The following DSCAML1 variants were observed in gnomAD, a reference collection of about 807,000 sequenced individuals.
The protein encoded by DSCAML1 is DS cell adhesion molecule like 1.
Under a neutral mutation model 200.5 loss-of-function variants are expected in DSCAML1, and 38 were observed. That is an observed-to-expected ratio of 0.19 (90% CI 0.15 to 0.25). The LOEUF (loss-of-function observed/expected upper bound fraction) is 0.25. Among genes scored for constraint, DSCAML1 ranks in the 10% least tolerant of loss-of-function variants. DSCAML1 has a pLI of 1.00. For synonymous variants in DSCAML1, 1,215 were observed against 1,165.0 expected (o/e 1.04, Z -0.87); for missense variants, 2,223 against 2,858.8 (o/e 0.78, Z 5.07).
chr11:117,780,290 A>AAGAAAGAG lies in DSCAML1; in HGVS notation c.364+202_364+203insCTCTTTCT, dbSNP rs1168369430. On this transcript the variant is annotated intron_variant, in intron 2 of 32. Transcript: ENST00000651296. This position sits in a 1 kb window ranked among gnomAD's most constrained non-coding sequence, Gnocchi z 4.8. ...AAAGAAAGAAAGAAAGAAAGAAAGAAAGAAAGAAAGAAAGAGAGAAAGGAG... is the reference window on the plus strand; with the variant it reads ...AAAGAAAGAAAGAAAGAAAGAAAGAAAGAAAGAGAGAAAGAAAGAAAGAGAGAAAGGAG... Among the ~76,000 whole-genome samples, 1 of 100,128 alleles carries AAGAAAGAG rather than the reference A, an allele frequency of 1.0e-5. No homozygotes were observed. The highest frequency in any genetic ancestry group is 3.6e-4 in the South Asian group (1 of 2,768). The allele number at this position is 100,128 out of a possible 152,430, so 65.7% of individuals were successfully genotyped here. A position where few individuals can be genotyped will look rare whatever the true frequency, so the allele number is the denominator to read the frequency against.
rs1411566097 is a variant in DSCAML1 at position 117,518,622 on chromosome 11, C to T, written c.1354G>A (p.Gly452Ser). The T allele has an allele frequency of 1.2e-6, 2 of 1,613,524 alleles. No individual in the cohort carries two copies. The highest frequency in any genetic ancestry group is 1.3e-5 in the African/African-American group (1 of 74,940). The change falls in exon 7 of 33, where the codon GGC (glycine) becomes AGC (serine). Residue 452 changes from glycine to serine, a missense_variant. Gly to Ser is a moderately conservative substitution (Grantham distance 56). This residue lies in a region of DSCAML1 where 579 missense variants were observed against 721.5 expected (regional missense o/e 0.80). Transcript: ENST00000651296. The surrounding 1 kb of genome is among the most constrained non-coding windows in gnomAD (Gnocchi z 6.3). The stretch of plus-strand genomic sequence containing the variant: ...GTGTACTGGTTGGTGCGGTGGCTGC[C>T]ATCCCGCACGATGGGCTCATCGTCG... ...ALDDEPIVRD[G>S]SHRTNQYTMS...
At chr11:117,446,397 G>C (rs1380230166) in intron 20 of DSCAML1, among the ~76,000 whole-genome samples, 1 of 151,780 alleles carries the variant, frequency 6.6e-6, no homozygotes, top group East Asian at 1.9e-4. Context: ...CAAAAAACCA[G>C]AATCAATAGG....
intron 3 of DSCAML1, among the ~76,000 whole-genome samples, chr11:117,741,448 G>A (rs537171107): frequency 1.3e-4 from 20 of 152,354 alleles, no homozygotes; most frequent in African/African-American, 3.4e-4. Flanking sequence ...GATGCCCACT[G>A]CCTATTGGAT....
In DSCAML1 at chr11:117,645,895, TATA is replaced by T. The variant is rs1241429129; in HGVS notation, c.512-113376_512-113374del. Among the ~76,000 whole-genome samples the T allele has an allele frequency of 5.3e-5, 8 of 151,928 alleles. No homozygotes were observed. In the South Asian group the frequency reaches 1.7e-3, roughly 32 times the overall value. ...TGCACATGTACCCTAAAACTTAAAG[TATA>T]ATAATAAATAAATAAATAAAAGAAA... On this transcript the variant is annotated intron_variant, in intron 3 of 32. Transcript: ENST00000651296.
chr11:117,686,274 T>G (rs188343727), intron 3 of DSCAML1, among the ~76,000 whole-genome samples: 1 of 152,182 alleles, frequency 6.6e-6, no homozygotes, highest in Admixed American at 6.5e-5. Flanking sequence ...TCTCAGCATA[T>G]GGGCAGAGGT....
At chr11:117,458,996 C>G in intron 18 of DSCAML1, 87 bp from the exon 19 acceptor site, 1 of 1,517,488 alleles carries the variant, frequency 6.6e-7, no homozygotes, top group East Asian at 2.3e-5. Flanking sequence ...TCTGCCCACA[C>G]CTACTGCACA....
intron 3 of DSCAML1, among the ~76,000 whole-genome samples, chr11:117,619,839 T>C (rs1023683651): frequency 1.2e-4 from 19 of 152,178 alleles, no homozygotes; most frequent in Non-Finnish European, 1.8e-4. Flanking sequence ...CAAATTCTTG[T>C]GGCAGGTCAC....
chr11:117,787,469 G>T (rs1012558291), intron 1 of DSCAML1, among the ~76,000 whole-genome samples: 39 of 152,126 alleles, frequency 2.6e-4, no homozygotes, highest in African/African-American at 8.7e-4. Context: ...GTATGCATAA[G>T]AATCACCTGG....
chr11:117,571,734 G>A (rs1262636694), intron 3 of DSCAML1, among the ~76,000 whole-genome samples: 2 of 152,200 alleles, frequency 1.3e-5, no homozygotes, highest in Non-Finnish European at 2.9e-5. Context: ...TTGAATAGGG[G>A]CTGGGTAAAA....
At chr11:117,660,904 T>A (rs1455612111) in intron 3 of DSCAML1, among the ~76,000 whole-genome samples, 1 of 152,218 alleles carries the variant, frequency 6.6e-6, no homozygotes, top group Non-Finnish European at 1.5e-5. Context: ...TATCACATTA[T>A]ATACACTGCT....
At chr11:117,583,254 C>A (rs914569299) in intron 3 of DSCAML1, among the ~76,000 whole-genome samples, 2 of 152,052 alleles carry the variant, frequency 1.3e-5, no homozygotes, top group Non-Finnish European at 2.9e-5. Context: ...ACTGAAGACC[C>A]CTTGCCTCTG....
Position 117,714,826 on chromosome 11 carries a change from G to GGAAAAAA in DSCAML1, c.511+61964_511+61965insTTTTTTC, listed in dbSNP as rs10684152. ...GACAAGAGTGAAACTTCATCTTGAG[G>GGAAAAAA]AAAAAAAAAAAAAAAAAGGAAGGTG... On this transcript the variant is annotated intron_variant, in intron 3 of 32. Coordinates refer to ENST00000651296, the MANE Select transcript of DSCAML1 (RefSeq NM_020693.4). Among the ~76,000 whole-genome samples the GGAAAAAA allele has an allele frequency of 1.0e-4, 12 of 115,544 alleles. 3 individuals carry two copies. The highest frequency in any genetic ancestry group is 9.8e-5 in the Admixed American group (1 of 10,156). 75.8% of individuals were successfully genotyped at this position (115,544 alleles called of 152,430 possible).
intron 3 of DSCAML1, among the ~76,000 whole-genome samples, chr11:117,656,294 C>T (rs767173069): frequency 6.6e-6 from 1 of 152,192 alleles, no homozygotes; most frequent in Non-Finnish European, 1.5e-5. Flanking sequence ...CAAGCCAGCT[C>T]CAAATCCTGG....
rs1565712169 is a variant in DSCAML1, at chr11:117,469,919, C to T, written c.3015G>A (p.Val1005=). ...LQPVTSQSIQ[V]TWKAPKKELQ... is the part of the protein sequence containing the mutation. ...CCTTAGACACACTTACCTTCCAGGTCACCTGGATGCTCTGTGAGGTCACTG... is the reference window on the plus strand; with the variant it reads ...CCTTAGACACACTTACCTTCCAGGTTACCTGGATGCTCTGTGAGGTCACTG... Residue 1005 remains valine (V), a synonymous_variant, in exon 16 of 33, where the codon GTG becomes GTA. Coordinates refer to ENST00000651296, the MANE Select transcript of DSCAML1 (RefSeq NM_020693.4). This position sits in a 1 kb window ranked among gnomAD's most constrained non-coding sequence, Gnocchi z 4.1. The T allele has an allele frequency of 1.9e-6, 3 of 1,606,512 alleles. No homozygotes were observed. The highest frequency in any genetic ancestry group is 2.6e-6 in the Non-Finnish European group (3 of 1,175,082).
intron 3 of DSCAML1, among the ~76,000 whole-genome samples, chr11:117,584,035 T>G (rs1291455723): frequency 2.6e-5 from 4 of 152,168 alleles, no homozygotes; most frequent in Non-Finnish European, 5.9e-5. Context: ...CAAGTCTGCT[T>G]TGTGGAGATT....
intron 3 of DSCAML1, among the ~76,000 whole-genome samples, chr11:117,559,867 T>G (rs1213930130): frequency 1.1e-4 from 15 of 140,804 alleles, no homozygotes; most frequent in Non-Finnish European, 1.5e-4. Context: ...CTGGCTGGGG[T>G]GAGAGGGAGG....
Position 117,642,532 on chromosome 11 carries a change from G to A in DSCAML1, c.512-110010C>T, listed in dbSNP as rs548647631. On this transcript the variant is annotated intron_variant, in intron 3 of 32. Transcript: ENST00000651296. This position sits in a 1 kb window ranked among gnomAD's most constrained non-coding sequence, Gnocchi z 4.1. ...ACAAAGGTGGCTGCTGGGAGAGCAG[G>A]GGCACCAGGTGCCTGGCGAGGGGCT... Among the ~76,000 whole-genome samples the A allele has an allele frequency of 1.3e-5, 2 of 152,320 alleles. No individual in the cohort carries two copies. The highest frequency in any genetic ancestry group is 1.3e-4 in the Admixed American group (2 of 15,304).
intron 3 of DSCAML1, among the ~76,000 whole-genome samples, chr11:117,757,558 C>A (rs1314335458): frequency 7.1e-6 from 1 of 140,692 alleles, no homozygotes; most frequent in South Asian, 2.3e-4. Context: ...GCATTTTTAA[C>A]CAATTAGGAG....
At chr11:117,694,082 C>CACATAT (rs113661359) in intron 3 of DSCAML1, among the ~76,000 whole-genome samples, 2 of 139,240 alleles carry the variant, frequency 1.4e-5, no homozygotes, top group Admixed American at 7.3e-5. Context: ...TATATATACA[C>CACATAT]ATATATATAT....
Sources: allele counts gnomAD v4.1 joint callset (sites outside exome capture counted in the v4.1 genomes callset), GRCh38; gene constraint gnomAD v4.1.1; regional missense constraint gnomAD v4.1.1; non-coding constraint Gnocchi (gnomAD v3.1); transcripts MANE v1.5; gene names NCBI Gene and HGNC (gene_info 2026-07-23, HGNC 2026-07-21).